Variants in MLF2 observed in about 807,000 individuals in gnomAD.
The protein encoded by MLF2 is myeloid leukemia factor 2.
A neutral mutation model predicts 31.4 loss-of-function variants in MLF2; 12 were observed. The ratio of observed to expected loss-of-function variants is 0.38; its 90% CI spans 0.24 to 0.62. The LOEUF (loss-of-function observed/expected upper bound fraction) is 0.62, where lower values mean the gene tolerates loss of function less well. MLF2 is among the 20% of genes least tolerant of loss of function. The pLI, the probability that MLF2 is intolerant of heterozygous loss-of-function variation, is 0.58. For synonymous variants in MLF2, 109 were observed against 118.8 expected (o/e 0.92, Z 0.54); for missense variants, 272 against 359.7 (o/e 0.76, Z 1.97).
chr12:6,751,542 G>T (rs147916499), intron 4 of MLF2, 99 bp downstream of exon 4: 2 of 1,323,236 alleles, frequency 1.5e-6, no homozygotes, highest in Non-Finnish European at 2.2e-6. Flanking sequence ...AGATTCTGGG[G>T]TTACTCATGA....
rs1941573838 is a variant in MLF2 at position 6,749,299 on chromosome 12, A to G, written c.560-317T>C. On this transcript the variant is annotated intron_variant, in intron 7 of 8. Transcript: ENST00000203630. The surrounding 1 kb of genome is among the most constrained non-coding windows in gnomAD (Gnocchi z 5.3). ...AAAGAGGGGAGAAAGAAACGGATCA[A>G]GGTGGAGAAGGGTGTAACACTATCA... Among the ~76,000 whole-genome samples, 1 of 149,170 alleles carries G rather than the reference A, an allele frequency of 6.7e-6. No individual in the cohort carries two copies. Among genetic ancestry groups the G allele is most frequent in the South Asian group, 2.1e-4 (1 of 4,808 alleles).
At position 6,752,055 on chromosome 12, in the gene MLF2, C is replaced by A. The variant is rs1232654350; in HGVS notation, c.51-1G>T. On this transcript the variant is annotated splice_acceptor_variant, in intron 2 of 8. Coordinates refer to ENST00000203630, the MANE Select transcript of MLF2 (RefSeq NM_001382226.1). LOFTEE classifies it high-confidence loss of function. The surrounding 1 kb of genome is among the most constrained non-coding windows in gnomAD (Gnocchi z 4.6). ...CTGACGGTGAATAGCAAAGGGATCC[C>A]TGTGGAGTGAGCACATAGTATGGAT... is the stretch of plus-strand genomic sequence containing the variant. 1 of 1,614,030 alleles carries A rather than the reference C, an allele frequency of 6.2e-7. No individual in the cohort carries two copies. The highest frequency in any genetic ancestry group is 1.7e-5 in the Admixed American group (1 of 60,018).
Position 6,751,623 on chromosome 12 carries a change from A to T in MLF2, c.216+18T>A, listed in dbSNP as rs756457505. On this transcript the variant is annotated intron_variant, in intron 4 of 8. Transcript: ENST00000203630. The stretch of plus-strand genomic sequence containing the variant: ...GAGTGTGTCTGAGATGGAAGGACAC[A>T]GGGAGATAAAGACTCACCATTCCCA... 6.2e-6 allele frequency: 10 copies of T among 1,612,140 alleles called. No individual in the cohort carries two copies. The South Asian group carries it at 1.1e-4, about 18-fold the overall frequency.
rs781069300 is a variant in MLF2, at chr12:6,750,222, G to C, written c.354C>G (p.Pro118=). ...ISYSNTGDGA[P]KVYQETSEMR... ...TCTCTGATGTCTCTTGGTAGACCTT[G>C]GGGGCACCATCACCCGTATTGGAGT... The change falls in exon 6 of 9, where the codon CCC becomes CCG. Residue 118 remains proline, a synonymous_variant. Transcript: ENST00000203630. The surrounding 1 kb of genome is among the most constrained non-coding windows in gnomAD (Gnocchi z 5.3). The C allele has an allele frequency of 6.2e-7, 1 of 1,614,164 alleles. No homozygotes were observed. The highest frequency in any genetic ancestry group is 8.5e-7 in the Non-Finnish European group (1 of 1,180,020).
In MLF2 at chr12:6,752,214, G is replaced by T; in HGVS notation, c.50+71C>A. On this transcript the variant is annotated intron_variant, in intron 2 of 8. Transcript: ENST00000203630. The surrounding 1 kb of genome is among the most constrained non-coding windows in gnomAD (Gnocchi z 4.6). ...CCAGTTCCAACCATTCCTAGCAATGGGAACCCCGATGTCTGCCTGAACTGC... is the reference window on the plus strand; with the variant it reads ...CCAGTTCCAACCATTCCTAGCAATGTGAACCCCGATGTCTGCCTGAACTGC... 1 of 1,540,912 alleles carries T rather than the reference G, an allele frequency of 6.5e-7. No individual in the cohort carries two copies. The highest frequency in any genetic ancestry group is 8.8e-7 in the Non-Finnish European group (1 of 1,136,482).
chr12:6,749,360 A>G lies in MLF2; in HGVS notation c.560-378T>C, dbSNP rs1289964878. 1.3e-5 allele frequency among the ~76,000 whole-genome samples: 2 copies of G among 152,248 alleles called. No individual in the cohort carries two copies. The highest frequency in any genetic ancestry group is 3.9e-4 in the East Asian group (2 of 5,188). ...TCAGGGACAAAGTAGGCCCCTCACA[A>G]AGACACCGCCAGCACCTGACTCCGC... On this transcript the variant is annotated intron_variant, in intron 7 of 8. Transcript: ENST00000203630. This position sits in a 1 kb window ranked among gnomAD's most constrained non-coding sequence, Gnocchi z 5.3.
At position 6,750,114 on chromosome 12, in the gene MLF2, C is replaced by G; in HGVS notation, c.399+63G>C. The G allele has an allele frequency of 6.2e-7, 1 of 1,612,628 alleles. No homozygotes were observed. Among genetic ancestry groups the G allele is most frequent in the Non-Finnish European group, 8.5e-7 (1 of 1,179,050 alleles). On this transcript the variant is annotated intron_variant, in intron 6 of 8. Coordinates refer to ENST00000203630, the MANE Select transcript of MLF2 (RefSeq NM_001382226.1). This position sits in a 1 kb window ranked among gnomAD's most constrained non-coding sequence, Gnocchi z 5.3. ...ACAACCCAATCCGGAAAAAAGCAGCCAGGGTTTCTGGCGGTGCCGCTCAAT... is the reference window on the plus strand; with the variant it reads ...ACAACCCAATCCGGAAAAAAGCAGCGAGGGTTTCTGGCGGTGCCGCTCAAT...
rs772319960 is a variant in MLF2, at chr12:6,750,160, AG to A, written c.399+16del. 1.9e-6 allele frequency: 3 copies of A among 1,614,032 alleles called. No individual in the cohort carries two copies. The African/African-American group carries it at 4.0e-5, about 22-fold the overall frequency. ...TCAATCCTACCTTCTCTGGGACAGG[AG>A]GGCTCCCCAACTCACCCCGCCTGGT... On this transcript the variant is annotated intron_variant, in intron 6 of 8. Transcript: ENST00000203630. The surrounding 1 kb of genome is among the most constrained non-coding windows in gnomAD (Gnocchi z 5.3).
In MLF2 at chr12:6,752,180, G is replaced by T. The variant is rs55915978; in HGVS notation, c.50+105C>A. 11,320 of 1,545,164 alleles carry T rather than the reference G, an allele frequency of 7.3e-3. 308 individuals carry two copies. In the African/African-American group the frequency reaches 0.08, roughly 11 times the overall value. ...CCTACTTCCTGCTAGGTAGGAGCTA[G>T]GTATCCAGCCAGTTCCAACCATTCC... On this transcript the variant is annotated intron_variant, in intron 2 of 8. Transcript: ENST00000203630. This position sits in a 1 kb window ranked among gnomAD's most constrained non-coding sequence, Gnocchi z 4.6.
chr12:6,753,101 G>A lies in MLF2; in HGVS notation c.-191C>T, dbSNP rs977745471. On this transcript the variant is annotated 5_prime_UTR_variant, in exon 1 of 9. Coordinates refer to ENST00000203630, the MANE Select transcript of MLF2 (RefSeq NM_001382226.1). ...GCTGCCACCTCCGTACGGCCCCCTC[G>A]GCCAACGGAGCCCGAACCTCGGCCA... 2.0e-5 allele frequency: 8 copies of A among 392,474 alleles called. No homozygotes were observed. Among genetic ancestry groups the A allele is most frequent in the Non-Finnish European group, 3.6e-5 (8 of 222,760 alleles). The allele number at this position is 392,474 out of a possible 1,614,324, so 24.3% of individuals were successfully genotyped here.
In MLF2 at chr12:6,748,100, G is replaced by C. The variant is rs1941553040; in HGVS notation, c.*473C>G. The C allele has an allele frequency of 6.6e-6, 1 of 151,974 alleles. No individual in the cohort carries two copies. Among genetic ancestry groups the C allele is most frequent in the Non-Finnish European group, 1.5e-5 (1 of 68,008 alleles). The allele number at this position is 151,974 out of a possible 1,614,324, so 9.4% of individuals were successfully genotyped here. ...TAGGGAAGATTCTTTTGATGTGTGT[G>C]GGCAGGAGGAGGGAGAGAGTTAGGA... is the stretch of plus-strand genomic sequence containing the variant. On this transcript the variant is annotated 3_prime_UTR_variant, in exon 9 of 9. Coordinates refer to ENST00000203630, the MANE Select transcript of MLF2 (RefSeq NM_001382226.1). This position sits in a 1 kb window ranked among gnomAD's most constrained non-coding sequence, Gnocchi z 4.6.
chr12:6,749,616 G>A lies in MLF2; in HGVS notation c.559+232C>T, dbSNP rs1941579177. Among the ~76,000 whole-genome samples, 1 of 152,182 alleles carries A rather than the reference G, an allele frequency of 6.6e-6. No individual in the cohort carries two copies. Among genetic ancestry groups the A allele is most frequent in the Non-Finnish European group, 1.5e-5 (1 of 68,038 alleles). ...TGTAGTTCCAGCTACACGGGAGGCT[G>A]AGGCAGGAGAATTGCTTAAACCCGG... On this transcript the variant is annotated intron_variant, in intron 7 of 8. Transcript: ENST00000203630. The surrounding 1 kb of genome is among the most constrained non-coding windows in gnomAD (Gnocchi z 5.3).
rs545805455 is a variant in MLF2, at chr12:6,748,871, G to A, written c.671C>T (p.Ala224Val). The A allele has an allele frequency of 6.3e-6, 10 of 1,595,872 alleles. No individual in the cohort carries two copies. Among genetic ancestry groups the A allele is most frequent in the African/African-American group, 4.1e-5 (3 of 73,586 alleles). The change falls in exon 8 of 9, where the codon GCG becomes GTG. Residue 224 changes from alanine (A) to valine (V), a missense_variant. Ala to Val is a moderately conservative substitution (Grantham distance 64, BLOSUM62 0). Transcript: ENST00000203630. The surrounding 1 kb of genome is among the most constrained non-coding windows in gnomAD (Gnocchi z 4.6). ...GATGGCCAGGCGGGGAGGCCCCTCCGCCCTTCGTCCCCCAGCCCCTGAGGA... is the reference window on the plus strand; with the variant it reads ...GATGGCCAGGCGGGGAGGCCCCTCCACCCTTCGTCCCCCAGCCCCTGAGGA... ...LESSGAGGRR[A>V]EGPPRLAIQG...
In MLF2 at chr12:6,749,895, C is replaced by T. The variant is rs1941586198; in HGVS notation, c.512G>A (p.Arg171His). The change falls in exon 7 of 9, where the codon CGC becomes CAC. Residue 171 changes from arginine (R) to histidine (H), a missense_variant. By Grantham distance (29) the Arg-to-His change is conservative (BLOSUM62 0). Coordinates refer to ENST00000203630, the MANE Select transcript of MLF2 (RefSeq NM_001382226.1). The surrounding 1 kb of genome is among the most constrained non-coding windows in gnomAD (Gnocchi z 5.3). ...CTGCCGCTCCTCCTGGTCCCCCGTGCGATGGTTTCGGGAGCGCTGGAGGAT... is the reference window on the plus strand; with the variant it reads ...CTGCCGCTCCTCCTGGTCCCCCGTGTGATGGTTTCGGGAGCGCTGGAGGAT... ...AHILQRSRNH[R>H]TGDQEERQDY... 4 of 1,614,050 alleles carry T rather than the reference C, an allele frequency of 2.5e-6. No homozygotes were observed. Among genetic ancestry groups the T allele is most frequent in the Admixed American group, 1.7e-5 (1 of 60,000 alleles).
chr12:6,750,813 T>A lies in MLF2; in HGVS notation c.217-47A>T. Reference sequence around the variant, plus strand: ...CAGAGTCAGGAAAGCAAAGTCAGTGTTCAGAGTTGATCCTGTTTAGGAACC... The same window carrying A: ...CAGAGTCAGGAAAGCAAAGTCAGTGATCAGAGTTGATCCTGTTTAGGAACC... On this transcript the variant is annotated intron_variant, in intron 4 of 8. Coordinates refer to ENST00000203630, the MANE Select transcript of MLF2 (RefSeq NM_001382226.1). The surrounding 1 kb of genome is among the most constrained non-coding windows in gnomAD (Gnocchi z 5.3). 1 of 1,579,194 alleles carries A rather than the reference T, an allele frequency of 6.3e-7. No homozygotes were observed. Among genetic ancestry groups the A allele is most frequent in the Non-Finnish European group, 8.7e-7 (1 of 1,149,322 alleles).
Position 6,752,775 on chromosome 12 carries a change from C to T in MLF2, c.-29+164G>A, listed in dbSNP as rs1157798298. ...TCCCCCAGGCGGGCCTCACTAAGCC[C>T]CCCGCGCCTGTCTGCGACTCCTCTA... On this transcript the variant is annotated intron_variant, in intron 1 of 8. Coordinates refer to ENST00000203630, the MANE Select transcript of MLF2 (RefSeq NM_001382226.1). This position sits in a 1 kb window ranked among gnomAD's most constrained non-coding sequence, Gnocchi z 4.6. 3 of 169,630 alleles carry T rather than the reference C, an allele frequency of 1.8e-5. No homozygotes were observed. The highest frequency in any genetic ancestry group is 7.1e-5 in the African/African-American group (3 of 42,018). 10.5% of individuals were successfully genotyped at this position (169,630 alleles called of 1,614,324 possible). A position where few individuals can be genotyped will look rare whatever the true frequency, so the allele number is the denominator to read the frequency against.
Position 6,750,331 on chromosome 12 carries a change from G to A in MLF2, c.271-26C>T. On this transcript the variant is annotated intron_variant, in intron 5 of 8. Coordinates refer to ENST00000203630, the MANE Select transcript of MLF2 (RefSeq NM_001382226.1). This position sits in a 1 kb window ranked among gnomAD's most constrained non-coding sequence, Gnocchi z 5.3. ...CTGAGGACAGGGTAGGTAGGGGAGGGCTGAATGGGGAGGCATCACCCCTGG... is the reference window on the plus strand; with the variant it reads ...CTGAGGACAGGGTAGGTAGGGGAGGACTGAATGGGGAGGCATCACCCCTGG... 1.2e-6 allele frequency: 2 copies of A among 1,610,464 alleles called. No homozygotes were observed. Among genetic ancestry groups the A allele is most frequent in the Non-Finnish European group, 1.7e-6 (2 of 1,177,912 alleles).
chr12:6,752,255 G>T lies in MLF2; in HGVS notation c.50+30C>A. On this transcript the variant is annotated intron_variant, in intron 2 of 8. Coordinates refer to ENST00000203630, the MANE Select transcript of MLF2 (RefSeq NM_001382226.1). The surrounding 1 kb of genome is among the most constrained non-coding windows in gnomAD (Gnocchi z 4.6). Reference sequence around the variant, plus strand: ...CCTGAACTGCTCAGAGACCTGGAGTGGGAGAGCTTGAGGGGGAGGGAATAC... The same window carrying T: ...CCTGAACTGCTCAGAGACCTGGAGTTGGAGAGCTTGAGGGGGAGGGAATAC... 6.4e-7 allele frequency: 1 copy of T among 1,557,586 alleles called. No homozygotes were observed.
Position 6,752,453 on chromosome 12 carries a change from A to C in MLF2, c.-28-91T>G. The C allele has an allele frequency of 1.9e-6, 2 of 1,069,618 alleles. No individual in the cohort carries two copies. Among genetic ancestry groups the C allele is most frequent in the Non-Finnish European group, 2.7e-6 (2 of 732,852 alleles). 66.3% of individuals were successfully genotyped at this position (1,069,618 alleles called of 1,614,324 possible). ...GGACTCTCAGAGCACTGTCCTTTCC[A>C]AATCCTGTAACTGACCCCCTAAACT... On this transcript the variant is annotated intron_variant, in intron 1 of 8. Coordinates refer to ENST00000203630, the MANE Select transcript of MLF2 (RefSeq NM_001382226.1). This position sits in a 1 kb window ranked among gnomAD's most constrained non-coding sequence, Gnocchi z 4.6.
Sources: gnomAD v4.1 joint callset for allele counts (sites outside exome capture counted in the v4.1 genomes callset) on GRCh38, gnomAD v4.1.1 for gene constraint, Gnocchi (gnomAD v3.1) non-coding constraint, MANE v1.5 for transcripts, NCBI Gene and HGNC (gene_info 2026-07-23, HGNC 2026-07-21) for gene names.